NCOA2: variants seen among roughly 807,000 people sequenced by gnomAD.
NCOA2 encodes the protein nuclear receptor coactivator 2.
Under a neutral mutation model 145.1 loss-of-function variants are expected in NCOA2, and 21 were observed. That is an observed-to-expected ratio of 0.14 (90% CI 0.10 to 0.21). The LOEUF is 0.21. NCOA2 is among the 10% of genes least tolerant of loss of function. The pLI is 1.00. For missense variants in NCOA2, 1,472 were observed against 1,837.6 expected, an observed-to-expected ratio of 0.80 and a Z score of 3.64; for synonymous variants, 619 against 637.5, an observed-to-expected ratio of 0.97 and a Z score of 0.44.
At chr8:70,323,343 C>T (rs972087022) in intron 1 of NCOA2, among the ~76,000 whole-genome samples, 3 of 151,908 alleles carry the variant, frequency 2.0e-5, no homozygotes, top group Non-Finnish European at 2.9e-5. Context: ...GTTTTAAAAA[C>T]GAGAAAGAAT....
chr8:70,360,577 C>T (rs1563803890), intron 1 of NCOA2, among the ~76,000 whole-genome samples: 2 of 152,054 alleles, frequency 1.3e-5, no homozygotes, highest in Non-Finnish European at 2.9e-5. Context: ...TGTTTAAAAG[C>T]CAGAGTTTTC....
chr8:70,123,706 A>G (rs560068111), intron 21 of NCOA2, 178 bp downstream of exon 21: 2 of 454,422 alleles, frequency 4.4e-6, no homozygotes, highest in Non-Finnish European at 7.6e-6. Context: ...TGTTTATTTA[A>G]TCATTAACAA....
the NCOA2 span, among the ~76,000 whole-genome samples, chr8:70,428,457 T>A: frequency 0.21 from 32,599 of 151,682 alleles, 3,854 homozygotes; most frequent in East Asian, 0.51. Context: ...TCTTTCTCTA[T>A]AAATATAAAA....
chr8:70,124,893 C>A (rs752110999), intron 19 of NCOA2, 28 bp from the exon 20 acceptor site: 1 of 1,545,626 alleles, frequency 6.5e-7, no homozygotes, highest in Middle Eastern at 1.8e-4. Context: ...AAACAGAAAT[C>A]CAAAAGAGAC....
intron 4 of NCOA2, among the ~76,000 whole-genome samples, chr8:70,200,658 T>C (rs1381377607): frequency 6.6e-6 from 1 of 152,144 alleles, no homozygotes; most frequent in Non-Finnish European, 1.5e-5. Context: ...CTAAGTGAAA[T>C]GAGCCAGTCA....
intron 2 of NCOA2, among the ~76,000 whole-genome samples, chr8:70,280,090 C>A (rs78843343): frequency 1.3e-5 from 2 of 152,126 alleles, no homozygotes; most frequent in Non-Finnish European, 2.9e-5. Flanking sequence ...AGAGACTATA[C>A]CTACCTTTCA....
At chr8:70,183,881 G>A (rs1278862694) in intron 4 of NCOA2, among the ~76,000 whole-genome samples, 4 of 152,198 alleles carry the variant, frequency 2.6e-5, no homozygotes, top group East Asian at 1.9e-4. Flanking sequence ...CATAGTGGGC[G>A]CTCAATGATG....
chr8:70,264,130 T>C (rs968273459), intron 2 of NCOA2, among the ~76,000 whole-genome samples: 1 of 151,912 alleles, frequency 6.6e-6, no homozygotes, highest in Non-Finnish European at 1.5e-5. Flanking sequence ...GAGAATCACT[T>C]GAACCCGGGA....
the NCOA2 span, among the ~76,000 whole-genome samples, chr8:70,408,926 C>G: frequency 1.3e-5 from 2 of 151,854 alleles, no homozygotes; most frequent in East Asian, 1.9e-4. Context: ...CATGCCAGAC[C>G]AAAACATTAA....
rs781555953 is a variant in NCOA2, at chr8:70,214,092, C to A, written c.87-17G>T. ...CTTTTGGGGCTTAAAAGAAGAAACACATTTTTATGATGTATTTGAAAAAGA... is the reference window on the plus strand; with the variant it reads ...CTTTTGGGGCTTAAAAGAAGAAACAAATTTTTATGATGTATTTGAAAAAGA... On this transcript the variant is annotated splice_polypyrimidine_tract_variant and intron_variant, in intron 3 of 22. Transcript: ENST00000452400. The A allele has an allele frequency of 6.3e-7, 1 of 1,584,658 alleles. No individual in the cohort carries two copies. Among genetic ancestry groups the A allele is most frequent in the East Asian group, 2.2e-5 (1 of 44,602 alleles).
chr8:70,391,868 T>G (rs888776052), intron 1 of NCOA2, among the ~76,000 whole-genome samples: 1 of 152,220 alleles, frequency 6.6e-6, no homozygotes, highest in Admixed American at 6.5e-5. Context: ...TAGATGATAT[T>G]AGTTCTCTTA....
At chr8:70,316,099 A>G (rs576112459) in intron 1 of NCOA2, among the ~76,000 whole-genome samples, 1 of 152,218 alleles carries the variant, frequency 6.6e-6, no homozygotes, top group East Asian at 1.9e-4. Context: ...CGCACGATGC[A>G]TAAGGTAAGG....
chr8:70,160,696 A>AGAGAGAGAGAGAGAGAGAGG, intron 9 of NCOA2, among the ~76,000 whole-genome samples: 1 of 138,446 alleles, frequency 7.2e-6, no homozygotes, highest in African/African-American at 2.6e-5. Flanking sequence ...AGAGAGAGAG[A>AGAGAGAGAGAGAGAGAGAGG]GAGAGACTGA....
chr8:70,144,447 A>C lies in NCOA2; in HGVS notation c.2812+195T>G, dbSNP rs1232321444. On this transcript the variant is annotated intron_variant, in intron 13 of 22. Coordinates refer to ENST00000452400, the MANE Select transcript of NCOA2 (RefSeq NM_006540.4). ...ACCTCATAAAAGTAACAATCACAGAATTAAATGGTTAGCTCACCCAAAGGC... is the reference window on the plus strand; with the variant it reads ...ACCTCATAAAAGTAACAATCACAGACTTAAATGGTTAGCTCACCCAAAGGC... Among the ~76,000 whole-genome samples the C allele has an allele frequency of 2.0e-5, 3 of 152,226 alleles. No homozygotes were observed. In the East Asian group the frequency reaches 5.8e-4, roughly 29 times the overall value.
chr8:70,156,946 G>T lies in NCOA2; in HGVS notation c.1419C>A (p.Ser473Arg). Residue 473 changes from serine (S) to arginine (R), a missense_variant, in exon 11 of 23, where the codon AGC (serine) becomes AGA (arginine). This residue lies in a region of NCOA2 where 953 missense variants were observed against 1,062.1 expected (regional missense o/e 0.90). Transcript: ENST00000452400. ...GCTGTCCTGGATTCATGCCAGGGCTGCTTTGTGAGGGGCTGTTCATTTTGA... is the reference window on the plus strand; with the variant it reads ...GCTGTCCTGGATTCATGCCAGGGCTTCTTTGTGAGGGGCTGTTCATTTTGA... ...YALKMNSPSQSSPGMNPGQPT... is the reference protein window; with the variant it reads ...YALKMNSPSQRSPGMNPGQPT... 6.2e-7 allele frequency: 1 copy of T among 1,614,050 alleles called. No individual in the cohort carries two copies. Among genetic ancestry groups the T allele is most frequent in the Non-Finnish European group, 8.5e-7 (1 of 1,179,892 alleles).
chr8:70,326,994 C>T (rs1255237573), intron 1 of NCOA2, among the ~76,000 whole-genome samples: 1 of 152,176 alleles, frequency 6.6e-6, no homozygotes, highest in Admixed American at 6.6e-5. Flanking sequence ...TCAGTCCTGT[C>T]CCAGTAGTCC....
intron 14 of NCOA2, among the ~76,000 whole-genome samples, chr8:70,140,593 GTTTTTTTTTTTT>G (rs71558582): frequency 3.8e-5 from 3 of 79,784 alleles, no homozygotes; most frequent in Non-Finnish European, 6.8e-5. Flanking sequence ...TACCACCTAA[GTTTTTTTTTTTT>G]TTTTTTTTTT....
intron 1 of NCOA2, among the ~76,000 whole-genome samples, chr8:70,355,616 G>C (rs973046268): frequency 1.3e-5 from 2 of 150,962 alleles, no homozygotes; most frequent in African/African-American, 4.9e-5. Flanking sequence ...TATCGTGTTA[G>C]CATAGTTTAT....
Position 70,138,221 on chromosome 8 carries a change from G to A in NCOA2, c.3140C>T (p.Ser1047Phe). ...GACTCACCTGTTTTGGCTGGCAAAA[G>A]ACGCCTGGTCTATAGGCAGGATGCT... is the stretch of plus-strand genomic sequence containing the variant. ...PESILPIDQA[S>F]FASQNRQPFG... Residue 1047 changes from serine (S) to phenylalanine (F), a missense_variant, in exon 15 of 23, where the codon TCT (serine) becomes TTT (phenylalanine). By Grantham distance (155) the Ser-to-Phe change is radical (BLOSUM62 -2). Coordinates refer to ENST00000452400, the MANE Select transcript of NCOA2 (RefSeq NM_006540.4). 1 of 1,613,388 alleles carries A rather than the reference G, an allele frequency of 6.2e-7. No homozygotes were observed. Among genetic ancestry groups the A allele is most frequent in the Non-Finnish European group, 8.5e-7 (1 of 1,179,728 alleles).
Sources: gnomAD v4.1 joint callset for allele counts (sites outside exome capture counted in the v4.1 genomes callset) on GRCh38, gnomAD v4.1.1 for gene constraint, gnomAD v4.1.1 regional missense constraint, MANE v1.5 for transcripts, NCBI Gene and HGNC (gene_info 2026-07-23, HGNC 2026-07-21) for gene names.